Variants in PDZD2 observed in about 807,000 individuals in gnomAD.
PDZD2 encodes the protein PDZ domain-containing protein 2.
A neutral mutation model predicts 220.7 loss-of-function variants in PDZD2; 90 were observed. The ratio of observed to expected loss-of-function variants is 0.41; its 90% CI spans 0.34 to 0.49. The LOEUF is 0.49. Among genes scored for constraint, PDZD2 ranks in the 20% least tolerant of loss-of-function variants. The probability of loss-of-function intolerance (pLI) is 0.28; values close to 1 mark genes in which losing one functional copy is unlikely to be tolerated. For synonymous variants in PDZD2, 1,375 were observed against 1,450.5 expected (o/e 0.95, Z 1.18); for missense variants, 3,174 against 3,608.5 (o/e 0.88, Z 3.08).
At chr5:31,766,068 T>C (rs1479654387) in intron 1 of PDZD2, among the ~76,000 whole-genome samples, 3 of 152,080 alleles carry the variant, frequency 2.0e-5, no homozygotes, top group Admixed American at 2.0e-4. Flanking sequence ...TAGTCCCAGC[T>C]ACTCAGGGGG....
intron 6 of PDZD2, among the ~76,000 whole-genome samples, chr5:32,029,017 G>T (rs1389611375): frequency 6.6e-6 from 1 of 152,070 alleles, no homozygotes; most frequent in Non-Finnish European, 1.5e-5. Context: ...GGAGATCCTT[G>T]GTGCTGGATG....
chr5:31,761,166 T>A (rs1400792513), intron 1 of PDZD2, among the ~76,000 whole-genome samples: 2 of 152,102 alleles, frequency 1.3e-5, no homozygotes, highest in Non-Finnish European at 2.9e-5. Context: ...AAAATTCAAA[T>A]GCGATGTTGT....
intron 1 of PDZD2, among the ~76,000 whole-genome samples, chr5:31,682,954 G>A (rs1485169957): frequency 6.6e-6 from 1 of 152,038 alleles, no homozygotes; most frequent in African/African-American, 2.4e-5. Flanking sequence ...CACTCTCACC[G>A]CCCCCAAGTC....
In PDZD2 at chr5:32,014,706, C is replaced by CTTTTT. The variant is rs556276502; in HGVS notation, c.1407+4248_1407+4252dup. Among the ~76,000 whole-genome samples the CTTTTT allele has an allele frequency of 2.5e-4, 24 of 95,426 alleles. 7 individuals are homozygous for CTTTTT. Among genetic ancestry groups the CTTTTT allele is most frequent in the African/African-American group, 8.7e-4 (20 of 22,902 alleles). The allele number at this position is 95,426 out of a possible 152,430, so 62.6% of individuals were successfully genotyped here. The stretch of plus-strand genomic sequence containing the variant: ...ATTTTCTGCTCTGCAATGACAATTT[C>CTTTTT]TTTTTTTTTTTTTTTTTTTTTTTTT... On this transcript the variant is annotated intron_variant, in intron 6 of 24. Coordinates refer to ENST00000438447, the MANE Select transcript of PDZD2 (RefSeq NM_178140.4).
rs2150129394 is a variant in PDZD2, at chr5:31,693,129, G to A, written c.-361+53692G>A. ...CTCATGATTGGATGTGAGGTTTCTG[G>A]GGCCTCTGCAAGCTCGGAGCTAAGA... is the stretch of plus-strand genomic sequence containing the variant. On this transcript the variant is annotated intron_variant, in intron 1 of 24. Coordinates refer to ENST00000438447, the MANE Select transcript of PDZD2 (RefSeq NM_178140.4). Among the ~76,000 whole-genome samples the A allele has an allele frequency of 2.6e-5, 4 of 151,600 alleles. No homozygotes were observed. In the South Asian group the frequency reaches 8.5e-4, roughly 32 times the overall value.
Position 32,092,913 on chromosome 5 carries a change from T to A in PDZD2, c.7734T>A (p.Asp2578Glu), listed in dbSNP as rs1243197937. 3 of 1,529,818 alleles carry A rather than the reference T, an allele frequency of 2.0e-6. No individual in the cohort carries two copies. The highest frequency in any genetic ancestry group is 3.5e-5 in the Admixed American group (2 of 57,054). 94.8% of individuals were successfully genotyped at this position (1,529,818 alleles called of 1,614,324 possible). A position where few individuals can be genotyped will look rare whatever the true frequency, so the allele number is the denominator to read the frequency against. Residue 2578 changes from aspartate to glutamate, a missense_variant, in exon 21 of 25, where the codon GAT becomes GAA. By Grantham distance (45) the Asp-to-Glu change is conservative (BLOSUM62 2). This residue lies in a region of PDZD2 where 631 missense variants were observed against 789.9 expected (regional missense o/e 0.80). Transcript: ENST00000438447. Reference protein sequence around the residue: ...PFRRSWSVNLDQLLVSAGDQQ... With the variant: ...PFRRSWSVNLEQLLVSAGDQQ... ...ATATATTTATATTATTTAGTTTGGA[T>A]CAACTTCTAGTCTCAGCGGGGGACC...
intron 1 of PDZD2, among the ~76,000 whole-genome samples, chr5:31,765,677 G>A (rs150607845): frequency 7.2e-4 from 110 of 152,266 alleles, no homozygotes; most frequent in Non-Finnish European, 1.3e-3. Context: ...AGACATCACT[G>A]TGATTTAGTT....
At chr5:31,825,060 C>T (rs1212111332) in intron 2 of PDZD2, among the ~76,000 whole-genome samples, 2 of 152,170 alleles carry the variant, frequency 1.3e-5, no homozygotes, top group East Asian at 1.9e-4. Context: ...CACACGCCCA[C>T]GCATCCCCAC....
At chr5:31,649,503 G>T (rs1405568885) in intron 1 of PDZD2, among the ~76,000 whole-genome samples, 1 of 151,824 alleles carries the variant, frequency 6.6e-6, no homozygotes, top group East Asian at 1.9e-4. Flanking sequence ...TAAAATATTT[G>T]ATTTATTCAT....
At chr5:31,777,378 G>A (rs7709890) in intron 1 of PDZD2, among the ~76,000 whole-genome samples, 57,069 of 151,710 alleles carry the variant, frequency 0.38, 11,301 homozygotes, top group Middle Eastern at 0.5. Flanking sequence ...CCATGCCTGA[G>A]CCCCCCTCCC....
intron 1 of PDZD2, among the ~76,000 whole-genome samples, chr5:31,772,537 A>G (rs1752398442): frequency 6.6e-6 from 1 of 152,182 alleles, no homozygotes; most frequent in Non-Finnish European, 1.5e-5. Context: ...TTTGAGTGCT[A>G]GTTCTCCTTT....
Position 32,055,190 on chromosome 5 carries a change from C to CAT in PDZD2, c.1900+1316_1900+1317dup, listed in dbSNP as rs1024319100. Among the ~76,000 whole-genome samples, 7 of 152,064 alleles carry CAT rather than the reference C, an allele frequency of 4.6e-5. No homozygotes were observed. In the South Asian group the frequency reaches 1.0e-3, roughly 23 times the overall value. On this transcript the variant is annotated intron_variant, in intron 10 of 24. Transcript: ENST00000438447. ...TTCTGAACACACACACAGGTATATACATATATATATTTATTTTATTGTACT... is the reference window on the plus strand; with the variant it reads ...TTCTGAACACACACACAGGTATATACATATATATATATTTATTTTATTGTACT...
chr5:31,801,204 G>A (rs1375339058), intron 2 of PDZD2, among the ~76,000 whole-genome samples: 2 of 152,228 alleles, frequency 1.3e-5, no homozygotes, highest in African/African-American at 4.8e-5. Flanking sequence ...TTATGCAGTA[G>A]ACACTCTCAC....
chr5:31,799,139 A>G lies in PDZD2; in HGVS notation c.-110A>G, dbSNP rs1754229740. On this transcript the variant is annotated 5_prime_UTR_variant, in exon 2 of 25. Transcript: ENST00000438447. The stretch of plus-strand genomic sequence containing the variant: ...GGCTCATCTGCCAGCCTGAACATGA[A>G]CACAGGCAAAGCTGATGATGGCCAG... 1 of 680,198 alleles carries G rather than the reference A, an allele frequency of 1.5e-6. No homozygotes were observed. The highest frequency in any genetic ancestry group is 4.1e-4 in the Middle Eastern group (1 of 2,422). 42.1% of individuals were successfully genotyped at this position (680,198 alleles called of 1,614,324 possible). A position where few individuals can be genotyped will look rare whatever the true frequency, so the allele number is the denominator to read the frequency against.
At chr5:32,080,370 A>AAG (rs1741805513) in intron 19 of PDZD2, among the ~76,000 whole-genome samples, 3 of 137,760 alleles carry the variant, frequency 2.2e-5, no homozygotes, top group African/African-American at 8.6e-5. Context: ...AAAAAAAAAA[A>AAG]GTGGGGGGTG....
At chr5:31,995,743 C>G in intron 4 of PDZD2, 25 bp downstream of exon 4, 1 of 1,604,674 alleles carries the variant, frequency 6.2e-7, no homozygotes, top group South Asian at 1.1e-5. Flanking sequence ...CTCCCCTCTC[C>G]CCCATCCCTC....
At chr5:32,010,681 A>C (rs1391283802) in intron 6 of PDZD2, 199 bp downstream of exon 6, 2 of 648,100 alleles carry the variant, frequency 3.1e-6, no homozygotes, top group Admixed American at 4.0e-5. Flanking sequence ...AAGGAAAAAA[A>C]ATGAAATGGT....
intron 1 of PDZD2, among the ~76,000 whole-genome samples, chr5:31,752,188 C>T (rs1751040223): frequency 6.7e-6 from 1 of 148,738 alleles, no homozygotes. Flanking sequence ...AAGTGATCCT[C>T]CTACCTCAAC....
intron 1 of PDZD2, among the ~76,000 whole-genome samples, chr5:31,679,980 C>G (rs964682188): frequency 6.6e-6 from 1 of 152,168 alleles, no homozygotes; most frequent in Admixed American, 6.5e-5. Context: ...CTTCGAACAC[C>G]ACAGTCCTCA....
Sources: allele counts gnomAD v4.1 joint callset (sites outside exome capture counted in the v4.1 genomes callset), GRCh38; gene constraint gnomAD v4.1.1; regional missense constraint gnomAD v4.1.1; transcripts MANE v1.5; gene names NCBI Gene and HGNC (gene_info 2026-07-23, HGNC 2026-07-21).